DAPK1: variants seen among roughly 807,000 people sequenced by gnomAD.
DAPK1 encodes the protein death-associated protein kinase 1.
A neutral mutation model predicts 144.9 loss-of-function variants in DAPK1; 56 were observed. The ratio of observed to expected loss-of-function variants is 0.39; its 90% CI spans 0.31 to 0.48. The LOEUF (loss-of-function observed/expected upper bound fraction) is 0.48, where lower values mean the gene tolerates loss of function less well. DAPK1 is among the 20% of genes least tolerant of loss of function. The pLI is 0.95. For missense variants in DAPK1, 1,454 were observed against 1,875.4 expected (o/e 0.78, Z 4.15); for synonymous variants, 690 against 749.0 (o/e 0.92, Z 1.29).
chr9:87,661,982 C>T (rs552043910), intron 18 of DAPK1, among the ~76,000 whole-genome samples: 7 of 152,292 alleles, frequency 4.6e-5, no homozygotes, highest in African/African-American at 1.7e-4. Context: ...TTTAATCTAT[C>T]TTGAGTTGAC....
intron 2 of DAPK1, among the ~76,000 whole-genome samples, chr9:87,500,739 G>A (rs1022892078): frequency 3.3e-5 from 5 of 150,042 alleles, no homozygotes; most frequent in African/African-American, 1.2e-4. Flanking sequence ...AGGGGAGGGA[G>A]GTGGCTTACT....
intron 2 of DAPK1, among the ~76,000 whole-genome samples, chr9:87,505,291 G>A (rs990880839): frequency 1.3e-5 from 2 of 152,220 alleles, no homozygotes; most frequent in African/African-American, 4.8e-5. Context: ...CTGATTATGA[G>A]ACAAAGGAAG....
intron 2 of DAPK1, among the ~76,000 whole-genome samples, chr9:87,579,312 G>A (rs12685116): frequency 0.15 from 23,561 of 152,182 alleles, 1,892 homozygotes; most frequent in Admixed American, 0.18. Flanking sequence ...ATGACTTGTT[G>A]CATACTTTCC....
intron 2 of DAPK1, among the ~76,000 whole-genome samples, chr9:87,604,209 T>C (rs571039319): frequency 1.3e-5 from 2 of 152,200 alleles, no homozygotes; most frequent in African/African-American, 2.4e-5. Flanking sequence ...GAAAAGAGTC[T>C]CAGAAAGCCT....
intron 2 of DAPK1, among the ~76,000 whole-genome samples, chr9:87,583,058 C>T (rs1328170964): frequency 1.3e-5 from 2 of 151,982 alleles, no homozygotes; most frequent in South Asian, 4.2e-4. Context: ...ATACAGTTGG[C>T]CACTTTAAAA....
intron 1 of DAPK1, chr9:87,498,647 TG>T (rs1824275775): frequency 5.7e-6 from 2 of 352,860 alleles, no homozygotes; most frequent in Non-Finnish European, 1.0e-5. Context: ...GTGGGAAAGC[TG>T]GGTGGGCATG....
intron 19 of DAPK1, among the ~76,000 whole-genome samples, chr9:87,672,593 G>A (rs750814450): frequency 6.6e-6 from 1 of 152,174 alleles, no homozygotes; most frequent in Non-Finnish European, 1.5e-5. Context: ...TCTAGATGCT[G>A]TGTTCAAGGA....
At chr9:87,695,843 A>G (rs1193004470) in intron 21 of DAPK1, among the ~76,000 whole-genome samples, 2 of 152,186 alleles carry the variant, frequency 1.3e-5, no homozygotes, top group African/African-American at 4.8e-5. Context: ...AAATTCATGT[A>G]TATTTATTCA....
intron 3 of DAPK1, among the ~76,000 whole-genome samples, chr9:87,626,764 G>C (rs1829508065): frequency 6.6e-6 from 1 of 152,226 alleles, no homozygotes; most frequent in African/African-American, 2.4e-5. Context: ...GAGGATGCAA[G>C]AGATTAATAG....
intron 21 of DAPK1, among the ~76,000 whole-genome samples, chr9:87,693,933 A>T (rs1433068101): frequency 1.3e-5 from 2 of 152,160 alleles, no homozygotes; most frequent in African/African-American, 4.8e-5. Flanking sequence ...CACGTGGGCC[A>T]GTCCTCAGAA....
At chr9:87,572,835 G>C (rs978974724) in intron 2 of DAPK1, among the ~76,000 whole-genome samples, 2 of 152,160 alleles carry the variant, frequency 1.3e-5, no homozygotes, top group African/African-American at 4.8e-5. Context: ...GCCTAACACT[G>C]TAGGTCTAGG....
At chr9:87,621,919 A>G (rs1435977412) in intron 3 of DAPK1, among the ~76,000 whole-genome samples, 1 of 152,018 alleles carries the variant, frequency 6.6e-6, no homozygotes, top group Admixed American at 6.5e-5. Context: ...TGGGCTCGGT[A>G]GAGCCTCGGC....
chr9:87,643,525 C>T (rs1206923001), intron 11 of DAPK1, 57 bp downstream of exon 11: 2 of 1,113,450 alleles, frequency 1.8e-6, no homozygotes, highest in African/African-American at 3.2e-5. Context: ...CTCAGAATGA[C>T]CAAGCTGTTC....
intron 2 of DAPK1, among the ~76,000 whole-genome samples, chr9:87,597,578 G>A (rs1828362597): frequency 6.6e-6 from 1 of 152,092 alleles, no homozygotes; most frequent in Non-Finnish European, 1.5e-5. Flanking sequence ...CCATGTGCTT[G>A]ATGTGTTTAG....
intron 3 of DAPK1, among the ~76,000 whole-genome samples, chr9:87,610,816 C>T (rs1403942641): frequency 6.6e-6 from 1 of 152,164 alleles, no homozygotes. Flanking sequence ...GTCAGCTCTT[C>T]CAGTTTTTTC....
intron 3 of DAPK1, among the ~76,000 whole-genome samples, chr9:87,620,248 AGAGG>A (rs1173626830): frequency 6.6e-6 from 1 of 152,086 alleles, no homozygotes; most frequent in East Asian, 1.9e-4. Flanking sequence ...TAGAGCTCAA[AGAGG>A]GAAACTGGGA....
At chr9:87,688,283 A>G (rs972177955) in intron 21 of DAPK1, among the ~76,000 whole-genome samples, 1 of 152,056 alleles carries the variant, frequency 6.6e-6, no homozygotes, top group African/African-American at 2.4e-5. Context: ...CTTCTTTTTT[A>G]TGGCTTCATA....
rs756066320 is a variant in DAPK1, at chr9:87,698,637, G to C, written c.2612-19G>C. ...GTAGGAGGACCCACCCCCTGAAGCA[G>C]TTCCCTCTCTGCCCCCAGCCTTCGG... On this transcript the variant is annotated intron_variant, in intron 22 of 25. Coordinates refer to ENST00000408954, the MANE Select transcript of DAPK1 (RefSeq NM_004938.4). 1.3e-6 allele frequency: 2 copies of C among 1,583,042 alleles called. No individual in the cohort carries two copies. The highest frequency in any genetic ancestry group is 2.2e-5 in the South Asian group (2 of 89,984).
intron 2 of DAPK1, among the ~76,000 whole-genome samples, chr9:87,560,005 C>A (rs1041447332): frequency 8.7e-6 from 1 of 114,426 alleles, no homozygotes; most frequent in East Asian, 2.3e-4. Flanking sequence ...TTCCTTTTTT[C>A]TTTTTTTGTT....
Sources: allele counts gnomAD v4.1 joint callset (sites outside exome capture counted in the v4.1 genomes callset), GRCh38; gene constraint gnomAD v4.1.1; transcripts MANE v1.5; gene names NCBI Gene and HGNC (gene_info 2026-07-23, HGNC 2026-07-21).